TESK2: variants seen among roughly 807,000 people sequenced by gnomAD.
TESK2 encodes dual specificity testis-specific protein kinase 2.
Under a neutral mutation model 57.1 loss-of-function variants are expected in TESK2, and 39 were observed. That is an observed-to-expected ratio of 0.68 (90% CI 0.53 to 0.89). TESK2 has a LOEUF of 0.89. TESK2 is among the 40% of genes least tolerant of loss of function. TESK2 has a pLI of 0.00. For missense variants in TESK2, 646 were observed against 732.1 expected (o/e 0.88, Z 1.36); for synonymous variants, 249 against 267.9 (o/e 0.93, Z 0.69).
chr1:45,470,013 G>A (rs140627476), intron 1 of TESK2, among the ~76,000 whole-genome samples: 1 of 152,148 alleles, frequency 6.6e-6, no homozygotes, highest in Non-Finnish European at 1.5e-5. Flanking sequence ...GGAATCATAT[G>A]TGCACAAAGT....
chr1:45,455,560 G>A (rs1652056883), intron 2 of TESK2, among the ~76,000 whole-genome samples: 2 of 152,154 alleles, frequency 1.3e-5, no homozygotes, highest in Admixed American at 1.3e-4. Flanking sequence ...CTTGCTGTGT[G>A]CATTGGGCAA....
In TESK2 at chr1:45,380,873, G is replaced by A. The variant is rs77721610; in HGVS notation, c.393+5039C>T. 1.6e-3 allele frequency among the ~76,000 whole-genome samples: 249 copies of A among 152,286 alleles called. 3 individuals carry two copies. The East Asian group carries it at 0.018, about 11-fold the overall frequency. On this transcript the variant is annotated intron_variant, in intron 4 of 10. Coordinates refer to ENST00000372086, the MANE Select transcript of TESK2 (RefSeq NM_007170.3). ...CCCAGAATACATAAAAAGTGAGTCAGAATTGAATTCTACAAATACTATGCA... is the reference window on the plus strand; with the variant it reads ...CCCAGAATACATAAAAAGTGAGTCAAAATTGAATTCTACAAATACTATGCA...
intron 1 of TESK2, among the ~76,000 whole-genome samples, 198 bp from the exon 2 acceptor site, chr1:45,458,069 A>G (rs1157939048): frequency 6.6e-6 from 1 of 152,250 alleles, no homozygotes; most frequent in Non-Finnish European, 1.5e-5. Context: ...CCATGAGTAG[A>G]ATATCATGAA....
intron 4 of TESK2, among the ~76,000 whole-genome samples, chr1:45,369,189 C>CA (rs1437499418): frequency 1.8e-4 from 27 of 151,458 alleles, no homozygotes; most frequent in Admixed American, 1.7e-3. Flanking sequence ...GAAGCTAAAG[C>CA]AAAAAAAGCT....
intron 4 of TESK2, among the ~76,000 whole-genome samples, chr1:45,361,772 T>C (rs1281268682): frequency 3.3e-5 from 5 of 152,200 alleles, no homozygotes; most frequent in African/African-American, 1.2e-4. Flanking sequence ...CTCAGGAATA[T>C]CAATTCAGGT....
chr1:45,390,150 G>T (rs912644966), intron 3 of TESK2, among the ~76,000 whole-genome samples: 1 of 151,914 alleles, frequency 6.6e-6, no homozygotes, highest in Non-Finnish European at 1.5e-5. Context: ...AAATTCTTCC[G>T]CCAGGCACAG....
intron 3 of TESK2, among the ~76,000 whole-genome samples, chr1:45,419,300 T>C (rs979513266): frequency 6.6e-6 from 1 of 152,168 alleles, no homozygotes; most frequent in Non-Finnish European, 1.5e-5. Context: ...AAAGTTAATA[T>C]GACCCCTCAC....
At chr1:45,482,115 T>G (rs1003540240) in intron 1 of TESK2, among the ~76,000 whole-genome samples, 6 of 152,204 alleles carry the variant, frequency 3.9e-5, no homozygotes, top group African/African-American at 1.4e-4. Context: ...TCAAGGTTCG[T>G]GCATATTTTT....
At chr1:45,465,910 G>A (rs1209540812) in intron 1 of TESK2, among the ~76,000 whole-genome samples, 1 of 151,980 alleles carries the variant, frequency 6.6e-6, no homozygotes, top group African/African-American at 2.4e-5. Flanking sequence ...GTAGAGTTGG[G>A]GAGAAAAGCA....
intron 1 of TESK2, among the ~76,000 whole-genome samples, chr1:45,474,110 G>A (rs1652878358): frequency 6.6e-6 from 1 of 152,082 alleles, no homozygotes; most frequent in Non-Finnish European, 1.5e-5. Context: ...GAGGCAAGCA[G>A]ATCACCTGAC....
intron 5 of TESK2, among the ~76,000 whole-genome samples, chr1:45,351,897 T>C (rs1647239805): frequency 1.3e-5 from 2 of 152,198 alleles, no homozygotes; most frequent in African/African-American, 2.4e-5. Context: ...AGAGAAGCAC[T>C]TGAGAAACTC....
intron 1 of TESK2, among the ~76,000 whole-genome samples, chr1:45,476,492 G>A (rs1247138081): frequency 6.6e-6 from 1 of 151,558 alleles, no homozygotes; most frequent in African/African-American, 2.4e-5. Context: ...CGGCACTAGA[G>A]CAAGACCAAT....
chr1:45,406,019 C>T (rs138676602), intron 3 of TESK2, among the ~76,000 whole-genome samples: 35 of 152,182 alleles, frequency 2.3e-4, no homozygotes, highest in Non-Finnish European at 4.6e-4. Flanking sequence ...GCCCAGAAGT[C>T]CAAGACTAGC....
chr1:45,488,771 T>C (rs1005736527), intron 1 of TESK2, among the ~76,000 whole-genome samples: 4 of 152,230 alleles, frequency 2.6e-5, no homozygotes, highest in African/African-American at 9.6e-5. Context: ...TCTCCTCATT[T>C]ATTCCTCAAT....
At chr1:45,460,942 G>A (rs1347479136) in intron 1 of TESK2, among the ~76,000 whole-genome samples, 2 of 152,144 alleles carry the variant, frequency 1.3e-5, no homozygotes, top group African/African-American at 4.8e-5. Context: ...AAAGCCAAGG[G>A]TAGTGTATTT....
At chr1:45,459,616 A>C (rs534015739) in intron 1 of TESK2, among the ~76,000 whole-genome samples, 95 of 152,180 alleles carry the variant, frequency 6.2e-4, no homozygotes, top group Non-Finnish European at 1.2e-3. Context: ...CCAAGGCAAG[A>C]GGATCACTTG....
intron 2 of TESK2, among the ~76,000 whole-genome samples, chr1:45,442,692 C>T (rs1651492153): frequency 6.6e-6 from 1 of 152,212 alleles, no homozygotes; most frequent in Non-Finnish European, 1.5e-5. Flanking sequence ...ATTCCATTTG[C>T]TTTTATTTTC....
intron 2 of TESK2, among the ~76,000 whole-genome samples, chr1:45,436,799 C>CT (rs35797939): frequency 0.46 from 56,957 of 123,078 alleles, 13,215 homozygotes; most frequent in Middle Eastern, 0.54. Context: ...ACATTAGTAT[C>CT]TTTTTTTTTT....
At chr1:45,386,778 A>C (rs1479752069) in intron 3 of TESK2, among the ~76,000 whole-genome samples, 1 of 151,856 alleles carries the variant, frequency 6.6e-6, no homozygotes, top group Non-Finnish European at 1.5e-5. Context: ...CTCAGCCTCC[A>C]GAGTAGCTGG....
Sources: allele counts gnomAD v4.1 joint callset (sites outside exome capture counted in the v4.1 genomes callset), GRCh38; gene constraint gnomAD v4.1.1; transcripts MANE v1.5; gene names NCBI Gene and HGNC (gene_info 2026-07-23, HGNC 2026-07-21).